ACYP2: variants seen among roughly 807,000 people sequenced by gnomAD.
ACYP2 encodes acylphosphatase-2.
A neutral mutation model predicts 11.2 loss-of-function variants in ACYP2; 12 were observed. The observed-to-expected ratio is 1.08, with a 90% confidence interval of 0.69 to 1.74. The LOEUF (loss-of-function observed/expected upper bound fraction) is 1.74, where lower values mean the gene tolerates loss of function less well. Among genes scored for constraint, ACYP2 ranks in the 40% most tolerant of loss-of-function variants. ACYP2 has a pLI of 0.00. For missense variants in ACYP2, 134 were observed against 101.9 expected (o/e 1.31, Z -1.35); for synonymous variants, 43 against 32.2 (o/e 1.33, Z -1.13).
At chr2:54,108,566 G>A (rs935276912) in intron 4 of ACYP2, among the ~76,000 whole-genome samples, 12 of 152,164 alleles carry the variant, frequency 7.9e-5, no homozygotes, top group Admixed American at 7.9e-4. Flanking sequence ...CACGCCTGGG[G>A]GATATTAGGA....
At chr2:54,201,680 T>TTCTTTCTTTCTC (rs1395606887) in intron 6 of ACYP2, among the ~76,000 whole-genome samples, 1,882 of 107,012 alleles carry the variant, frequency 0.018, 25 homozygotes, top group Middle Eastern at 0.03. Flanking sequence ...CTTTCTTTCT[T>TTCTTTCTTTCTC]TCTCTCTCTC....
intron 6 of ACYP2, among the ~76,000 whole-genome samples, chr2:54,191,108 A>AT (rs1684219815): frequency 6.6e-6 from 1 of 151,918 alleles, no homozygotes; most frequent in African/African-American, 2.4e-5. Context: ...TTCTGAGACT[A>AT]TTGCAGTAGC....
chr2:54,247,537 T>C (rs1429627033), intron 6 of ACYP2, among the ~76,000 whole-genome samples: 1 of 152,176 alleles, frequency 6.6e-6, no homozygotes. Flanking sequence ...TTATATTCAT[T>C]TGTAGGTGGT....
chr2:54,102,638 CAAAAAAAAAAA>C (rs58842257), intron 4 of ACYP2, among the ~76,000 whole-genome samples: 3,864 of 82,152 alleles, frequency 0.047, 33 homozygotes, highest in East Asian at 0.12. Flanking sequence ...TGGCTTAAGC[CAAAAAAAAAAA>C]AAAAAAAAAA....
chr2:54,025,993 T>G (rs1674265516), intron 2 of ACYP2, among the ~76,000 whole-genome samples: 1 of 152,186 alleles, frequency 6.6e-6, no homozygotes, highest in South Asian at 2.1e-4. Context: ...GGCAGGCGCC[T>G]GTAGTCCCAG....
At chr2:54,021,710 C>T (rs1294635809) in intron 2 of ACYP2, among the ~76,000 whole-genome samples, 1 of 152,154 alleles carries the variant, frequency 6.6e-6, no homozygotes, top group Non-Finnish European at 1.5e-5. Context: ...ATCCTGAATA[C>T]GAATGTCCAC....
At chr2:54,304,369 T>A (rs1465057199) in intron 6 of ACYP2, among the ~76,000 whole-genome samples, 1 of 152,084 alleles carries the variant, frequency 6.6e-6, no homozygotes, top group Admixed American at 6.6e-5. Context: ...AATATTTTGA[T>A]CGTTTTGAGT....
intron 6 of ACYP2, among the ~76,000 whole-genome samples, chr2:54,194,268 G>A (rs1032990576): frequency 5.9e-5 from 9 of 152,124 alleles, no homozygotes; most frequent in Admixed American, 5.9e-4. Context: ...TTGAACTCCT[G>A]ACCTCAAGTG....
At chr2:54,210,609 T>G (rs1685293765) in intron 6 of ACYP2, among the ~76,000 whole-genome samples, 1 of 152,208 alleles carries the variant, frequency 6.6e-6, no homozygotes, top group East Asian at 1.9e-4. Context: ...GTATTTGAAT[T>G]TTGATAATAC....
At chr2:54,154,772 G>T (rs939140576) in intron 6 of ACYP2, among the ~76,000 whole-genome samples, 1 of 152,140 alleles carries the variant, frequency 6.6e-6, no homozygotes, top group Non-Finnish European at 1.5e-5. Flanking sequence ...TGGTATCAAG[G>T]TAATGCTAAC....
chr2:53,985,985 A>C (rs917275416), intron 2 of ACYP2, among the ~76,000 whole-genome samples: 1 of 152,042 alleles, frequency 6.6e-6, no homozygotes, highest in Non-Finnish European at 1.5e-5. Context: ...AAATACAAAA[A>C]ATTAGCTGGG....
At chr2:54,164,904 C>T (rs1682884729) in intron 6 of ACYP2, among the ~76,000 whole-genome samples, 2 of 152,142 alleles carry the variant, frequency 1.3e-5, no homozygotes, top group Admixed American at 1.3e-4. Flanking sequence ...ATGTTCCCCT[C>T]CCTGTGTCAT....
chr2:54,008,767 G>A (rs1380682469), intron 2 of ACYP2, among the ~76,000 whole-genome samples: 1 of 152,138 alleles, frequency 6.6e-6, no homozygotes, highest in African/African-American at 2.4e-5. Flanking sequence ...CCTTCTACAT[G>A]GGATGACGGA....
intron 4 of ACYP2, among the ~76,000 whole-genome samples, chr2:54,087,851 T>G (rs956962724): frequency 2.6e-4 from 40 of 152,170 alleles, no homozygotes; most frequent in African/African-American, 9.7e-4. Flanking sequence ...TAGAGACAGA[T>G]TCCCGAACAT....
Position 54,040,476 on chromosome 2 carries a change from A to T in ACYP2, c.63-10482A>T, listed in dbSNP as rs184724557. ...ATAGTTCAAGTCATGAGACTAGAGG[A>T]GATTGCCAAATGAGTCAGTGAAGAT... On this transcript the variant is annotated intron_variant, in intron 2 of 6. Transcript: ENST00000607452. Among the ~76,000 whole-genome samples, 200 of 152,176 alleles carry T rather than the reference A, an allele frequency of 1.3e-3. 1 individual carries two copies. Among genetic ancestry groups the T allele is most frequent in the African/African-American group, 4.6e-3 (192 of 41,504 alleles).
chr2:54,222,831 C>T (rs956284258), intron 6 of ACYP2, among the ~76,000 whole-genome samples: 1 of 152,122 alleles, frequency 6.6e-6, no homozygotes, highest in African/African-American at 2.4e-5. Flanking sequence ...GTGTAAAGCT[C>T]AACCCTTTCC....
chr2:54,196,814 A>G lies in ACYP2; in HGVS notation c.404+58066A>G, dbSNP rs894815097. 4.6e-5 allele frequency among the ~76,000 whole-genome samples: 7 copies of G among 152,222 alleles called. No homozygotes were observed. In the East Asian group the frequency reaches 1.3e-3, roughly 29 times the overall value. On this transcript the variant is annotated intron_variant, in intron 6 of 6. Transcript: ENST00000607452. ...GACCATGGTGCTAGAAGATAGCCCC[A>G]CATTTATGTGAATTGCCTGTTTGAT...
intron 6 of ACYP2, among the ~76,000 whole-genome samples, chr2:54,147,244 A>G (rs552795497): frequency 6.6e-6 from 1 of 151,954 alleles, no homozygotes; most frequent in African/African-American, 2.4e-5. Context: ...TCATACATAA[A>G]TCAAAACAGC....
chr2:54,078,054 C>T (rs977028633), intron 4 of ACYP2, among the ~76,000 whole-genome samples: 19 of 151,644 alleles, frequency 1.3e-4, no homozygotes, highest in South Asian at 4.2e-4. Context: ...ACTGCAACCT[C>T]GGCCTCCCAG....
Sources: allele counts gnomAD v4.1 joint callset (sites outside exome capture counted in the v4.1 genomes callset), GRCh38; gene constraint gnomAD v4.1.1; transcripts MANE v1.5; gene names NCBI Gene and HGNC (gene_info 2026-07-23, HGNC 2026-07-21).